Variants in SMARCA4 observed in about 807,000 individuals in gnomAD.
SMARCA4 encodes the protein SWI/SNF related BAF chromatin remodeling complex subunit ATPase 4.
Under a neutral mutation model 193.9 loss-of-function variants are expected in SMARCA4, and 31 were observed. That is an observed-to-expected ratio of 0.16 (90% CI 0.12 to 0.22). The LOEUF is 0.22. Among genes scored for constraint, SMARCA4 ranks in the 10% least tolerant of loss-of-function variants. SMARCA4 has a pLI of 1.00. For synonymous variants in SMARCA4, 942 were observed against 933.1 expected (o/e 1.01, Z -0.17); for missense variants, 1,148 against 2,296.0 (o/e 0.50, Z 10.22).
rs10426670 is a variant in SMARCA4, at chr19:10,985,231, G to A, written c.223-42G>A. On this transcript the variant is annotated intron_variant, in intron 2 of 34. Transcript: ENST00000344626. The surrounding 1 kb of genome is among the most constrained non-coding windows in gnomAD (Gnocchi z 4.5). ...GCGCATAGCTGCGCTGCCACCTCAC[G>A]TTCCACATGCTGACCCTGCCTTGCC... 1,211 of 1,612,810 alleles carry A rather than the reference G, an allele frequency of 7.5e-4. 9 individuals are homozygous for A. The African/African-American group carries it at 0.015, about 20-fold the overall frequency.
Position 11,058,030 on chromosome 19 carries a change from T to C in SMARCA4, c.4425-225T>C, listed in dbSNP as rs1431222111. ...CTGAGGCAGGAGAATCTCCTGAACC[T>C]GGGAGGTGGAGGTTGCAGTGAGCCG... On this transcript the variant is annotated intron_variant, in intron 30 of 34. Transcript: ENST00000344626. This position sits in a 1 kb window ranked among gnomAD's most constrained non-coding sequence, Gnocchi z 5.8. 6.7e-6 allele frequency among the ~76,000 whole-genome samples: 1 copy of C among 150,130 alleles called. No individual in the cohort carries two copies. The highest frequency in any genetic ancestry group is 2.5e-5 in the African/African-American group (1 of 40,734).
At chr19:11,045,838 C>A (rs1310451210) in intron 30 of SMARCA4, among the ~76,000 whole-genome samples, 1 of 152,098 alleles carries the variant, frequency 6.6e-6, no homozygotes, top group Non-Finnish European at 1.5e-5. Flanking sequence ...AATCCCAGCA[C>A]TTTGGGAGGC....
intron 1 of SMARCA4, among the ~76,000 whole-genome samples, chr19:10,976,488 GCTCATGC>G (rs1213747994): frequency 1.3e-5 from 2 of 152,164 alleles, no homozygotes; most frequent in Non-Finnish European, 2.9e-5. Flanking sequence ...AGGTGCGGTG[GCTCATGC>G]CTGTAGTCCT....
In SMARCA4 at chr19:11,036,847, A is replaced by G. The variant is rs113534007; in HGVS notation, c.4170+1715A>G. 3.3e-3 allele frequency among the ~76,000 whole-genome samples: 509 copies of G among 152,282 alleles called. 5 individuals carry two copies. The highest frequency in any genetic ancestry group is 0.012 in the African/African-American group (491 of 41,556). ...GCAACCACTGATGTACTTTCTGTCCATATAGTTTTACCTGTTCTGGGCGTT... is the reference window on the plus strand; with the variant it reads ...GCAACCACTGATGTACTTTCTGTCCGTATAGTTTTACCTGTTCTGGGCGTT... On this transcript the variant is annotated intron_variant, in intron 29 of 34. Transcript: ENST00000344626.
At position 11,031,111 on chromosome 19, in the gene SMARCA4, G is replaced by A; in HGVS notation, c.3546+218G>A. The A allele has an allele frequency of 1.7e-6, 1 of 600,768 alleles. No homozygotes were observed. Among genetic ancestry groups the A allele is most frequent in the Non-Finnish European group, 3.0e-6 (1 of 333,294 alleles). 37.2% of individuals were successfully genotyped at this position (600,768 alleles called of 1,614,324 possible). A position where few individuals can be genotyped will look rare whatever the true frequency, so the allele number is the denominator to read the frequency against. On this transcript the variant is annotated intron_variant, in intron 25 of 34. Coordinates refer to ENST00000344626, the MANE Select transcript of SMARCA4 (RefSeq NM_003072.5). The surrounding 1 kb of genome is among the most constrained non-coding windows in gnomAD (Gnocchi z 4.3). ...TACAAACAGCCTTTCCCTCTGATTG[G>A]GAAAGCAGTGTATAAGCCATCCGTC...
At position 11,036,501 on chromosome 19, in the gene SMARCA4, C is replaced by T. The variant is rs182100489; in HGVS notation, c.4170+1369C>T. On this transcript the variant is annotated intron_variant, in intron 29 of 34. Coordinates refer to ENST00000344626, the MANE Select transcript of SMARCA4 (RefSeq NM_003072.5). ...CTCAAACTCCTGGGCTCAAACAATC[C>T]ACCCGCCTCGGCCTGCAGAGTAGCT... 6.6e-4 allele frequency among the ~76,000 whole-genome samples: 101 copies of T among 152,242 alleles called. 1 individual carries two copies. The highest frequency in any genetic ancestry group is 2.4e-4 in the African/African-American group (10 of 41,546).
chr19:10,983,736 T>G, intron 1 of SMARCA4: 1 of 237,682 alleles, frequency 4.2e-6, no homozygotes, highest in Non-Finnish European at 8.5e-6. Flanking sequence ...ACCCGGCCAG[T>G]CAGAGGCTAT....
Position 11,019,842 on chromosome 19 carries a change from G to C in SMARCA4, c.2616+141G>C. ...GCGTGAAGACAGCTGCCCTGTGTAG[G>C]GGAAAGGCCTAGGTGGGGGCGACCT... On this transcript the variant is annotated intron_variant, in intron 18 of 34. Transcript: ENST00000344626. The surrounding 1 kb of genome is among the most constrained non-coding windows in gnomAD (Gnocchi z 6.1). 1 of 706,480 alleles carries C rather than the reference G, an allele frequency of 1.4e-6. No homozygotes were observed. Among genetic ancestry groups the C allele is most frequent in the Non-Finnish European group, 2.5e-6 (1 of 392,388 alleles). 43.8% of individuals were successfully genotyped at this position (706,480 alleles called of 1,614,324 possible). A position where few individuals can be genotyped will look rare whatever the true frequency, so the allele number is the denominator to read the frequency against.
intron 18 of SMARCA4, chr19:11,021,267 C>T (rs1323481159): frequency 5.8e-6 from 2 of 343,166 alleles, no homozygotes; most frequent in Non-Finnish European, 1.2e-5. Context: ...GGCGCTGGCC[C>T]CTACCCCATG....
intron 16 of SMARCA4, chr19:11,018,256 C>T (rs1377639240): frequency 6.1e-6 from 1 of 162,826 alleles, no homozygotes; most frequent in African/African-American, 2.4e-5. Flanking sequence ...GAGTTCCTCC[C>T]AGAGCCCGTC....
Position 11,041,183 on chromosome 19 carries a change from C to T in SMARCA4, c.4171-124C>T. On this transcript the variant is annotated intron_variant, in intron 29 of 34. Coordinates refer to ENST00000344626, the MANE Select transcript of SMARCA4 (RefSeq NM_003072.5). The surrounding 1 kb of genome is among the most constrained non-coding windows in gnomAD (Gnocchi z 5.6). ...TGTGTTATGCCCCGAGCCAGTCAAG[C>T]TGAAGGGAGAGCGGGTGCGGGGGCC... The T allele has an allele frequency of 9.6e-7, 1 of 1,037,874 alleles. No homozygotes were observed. Among genetic ancestry groups the T allele is most frequent in the South Asian group, 1.5e-5 (1 of 66,414 alleles). 64.3% of individuals were successfully genotyped at this position (1,037,874 alleles called of 1,614,324 possible). A position where few individuals can be genotyped will look rare whatever the true frequency, so the allele number is the denominator to read the frequency against.
chr19:11,025,177 T>C (rs1475309351), intron 21 of SMARCA4, among the ~76,000 whole-genome samples: 4 of 152,182 alleles, frequency 2.6e-5, no homozygotes, highest in Non-Finnish European at 5.9e-5. Context: ...TTCCGTCCCG[T>C]CCTGCTGGCC....
At position 11,062,174 on chromosome 19, in the gene SMARCA4, T is replaced by C. The variant is rs1249778549; in HGVS notation, c.*358T>C. ...CATGTGCGTCACCGTCCACTCCTCC[T>C]ACTGTATTTTATTGGACAGGTCAGA... On this transcript the variant is annotated 3_prime_UTR_variant, in exon 35 of 35. Coordinates refer to ENST00000344626, the MANE Select transcript of SMARCA4 (RefSeq NM_003072.5). The C allele has an allele frequency of 2.4e-6, 1 of 409,520 alleles. No homozygotes were observed. The highest frequency in any genetic ancestry group is 4.5e-6 in the Non-Finnish European group (1 of 220,500). The allele number at this position is 409,520 out of a possible 1,614,324, so 25.4% of individuals were successfully genotyped here.
At chr19:11,002,911 A>G (rs1299330814) in intron 11 of SMARCA4, 118 bp from the exon 12 acceptor site, 4 of 1,102,886 alleles carry the variant, frequency 3.6e-6, no homozygotes, top group East Asian at 2.4e-5. Flanking sequence ...ACCACTGGCC[A>G]TGTTTGCCTG....
intron 8 of SMARCA4, among the ~76,000 whole-genome samples, chr19:10,993,378 C>T (rs1568437506): frequency 2.0e-5 from 3 of 152,182 alleles, no homozygotes; most frequent in African/African-American, 7.2e-5. Context: ...TCATTTATGT[C>T]ACCTTTTTCC....
chr19:10,961,972 A>ATT (rs1291248772), intron 1 of SMARCA4, among the ~76,000 whole-genome samples: 7,407 of 121,688 alleles, frequency 0.061, 310 homozygotes, highest in South Asian at 0.1. Flanking sequence ...ACCAGTCTTG[A>ATT]TTTTTTTTTT....
At chr19:11,035,191 A>T (rs943341011) in intron 29 of SMARCA4, 59 bp downstream of exon 29, 2 of 1,489,334 alleles carry the variant, frequency 1.3e-6, no homozygotes, top group African/African-American at 2.8e-5. Flanking sequence ...GGCTGGGGAG[A>T]CAAAGGGCCC....
chr19:11,033,246 A>C lies in SMARCA4; in HGVS notation c.3547-44A>C. The C allele has an allele frequency of 6.8e-7, 1 of 1,479,366 alleles. No individual in the cohort carries two copies. The highest frequency in any genetic ancestry group is 2.3e-5 in the East Asian group (1 of 44,306). The allele number at this position is 1,479,366 out of a possible 1,614,324, so 91.6% of individuals were successfully genotyped here. The stretch of plus-strand genomic sequence containing the variant: ...GTCAGAGGCCACCTTCCCTTTTATG[A>C]CCTCCTGGGCTCCTTTGGGACTGAC... On this transcript the variant is annotated intron_variant, in intron 25 of 34. Transcript: ENST00000344626. This position sits in a 1 kb window ranked among gnomAD's most constrained non-coding sequence, Gnocchi z 9.8.
At chr19:11,043,118 C>T (rs1373412450) in intron 30 of SMARCA4, among the ~76,000 whole-genome samples, 1 of 152,102 alleles carries the variant, frequency 6.6e-6, no homozygotes, top group East Asian at 1.9e-4. Context: ...TGGCGAAACC[C>T]CCTCTCTACT....
Sources: allele counts gnomAD v4.1 joint callset (sites outside exome capture counted in the v4.1 genomes callset), GRCh38; gene constraint gnomAD v4.1.1; non-coding constraint Gnocchi (gnomAD v3.1); transcripts MANE v1.5; gene names NCBI Gene and HGNC (gene_info 2026-07-23, HGNC 2026-07-21).